CNTNAP2: variants seen among roughly 807,000 people sequenced by gnomAD.
CNTNAP2 encodes contactin associated protein 2, also known as contactin-associated protein-like 2.
A neutral mutation model predicts 155.2 loss-of-function variants in CNTNAP2; 98 were observed. That is an observed-to-expected ratio of 0.63 (90% CI 0.54 to 0.75). The LOEUF (loss-of-function observed/expected upper bound fraction) is 0.75, where lower values mean the gene tolerates loss of function less well. Ranked by LOEUF, CNTNAP2 falls within the 30% of genes least tolerant of loss-of-function variation. CNTNAP2 has a pLI of 0.00. For synonymous variants in CNTNAP2, 651 were observed against 631.2 expected (o/e 1.03, Z -0.47); for missense variants, 1,727 against 1,688.1 (o/e 1.02, Z -0.40).
intron 22 of CNTNAP2, among the ~76,000 whole-genome samples, chr7:148,386,309 C>T (rs1179392124): frequency 6.6e-6 from 1 of 152,056 alleles, no homozygotes. Context: ...GTGGGTGGAT[C>T]ATGAGGTCAG....
rs1470184142 is a variant in CNTNAP2 at position 146,502,604 on chromosome 7, A to T, written c.98-271667A>T. On this transcript the variant is annotated intron_variant, in intron 1 of 23. Transcript: ENST00000361727. ...TTTAAGTGGAGTGAGATGATATTTCATTGTGATTTTTGTTGTTGTTGTTTT... is the reference window on the plus strand; with the variant it reads ...TTTAAGTGGAGTGAGATGATATTTCTTTGTGATTTTTGTTGTTGTTGTTTT... Among the ~76,000 whole-genome samples, 3 of 151,794 alleles carry T rather than the reference A, an allele frequency of 2.0e-5. No homozygotes were observed. In the South Asian group the frequency reaches 6.2e-4, roughly 32 times the overall value.
chr7:146,944,831 T>C (rs1023196383), intron 3 of CNTNAP2, among the ~76,000 whole-genome samples: 2 of 151,364 alleles, frequency 1.3e-5, no homozygotes, highest in African/African-American at 2.4e-5. Flanking sequence ...TGAGCCGAGA[T>C]CGTGCCACTG....
chr7:147,046,906 C>T (rs1433164522), intron 4 of CNTNAP2, among the ~76,000 whole-genome samples: 1 of 150,534 alleles, frequency 6.6e-6, no homozygotes, highest in African/African-American at 2.4e-5. Context: ...GTGGCGGGCG[C>T]CTGTAGTCCC....
intron 15 of CNTNAP2, among the ~76,000 whole-genome samples, chr7:148,026,962 GT>G (rs1802387531): frequency 1.3e-5 from 2 of 152,108 alleles, no homozygotes; most frequent in East Asian, 3.9e-4. Context: ...GTTTTTTGTT[GT>G]TGTTGTTGTT....
intron 3 of CNTNAP2, among the ~76,000 whole-genome samples, chr7:146,921,700 A>T (rs1796502474): frequency 6.6e-6 from 1 of 152,092 alleles, no homozygotes; most frequent in Non-Finnish European, 1.5e-5. Context: ...CCCACCTTTG[A>T]CATGTGGGGA....
intron 9 of CNTNAP2, among the ~76,000 whole-genome samples, chr7:147,364,874 C>A (rs1337386162): frequency 6.6e-6 from 1 of 151,742 alleles, no homozygotes; most frequent in Non-Finnish European, 1.5e-5. Flanking sequence ...AATTCCTAGC[C>A]ATGTTAAAAA....
At chr7:146,185,761 CTT>C (rs1554400924) in intron 1 of CNTNAP2, among the ~76,000 whole-genome samples, 7 of 94,864 alleles carry the variant, frequency 7.4e-5, no homozygotes, top group East Asian at 2.3e-4. Flanking sequence ...TTTTATTATT[CTT>C]TTTTTTTTTT....
chr7:146,607,649 A>T (rs1799070129), intron 1 of CNTNAP2, among the ~76,000 whole-genome samples: 1 of 151,582 alleles, frequency 6.6e-6, no homozygotes, highest in Non-Finnish European at 1.5e-5. Flanking sequence ...CTAATTTTTT[A>T]AAATTTTTAT....
At chr7:146,176,580 A>T (rs1269487958) in intron 1 of CNTNAP2, among the ~76,000 whole-genome samples, 1 of 152,190 alleles carries the variant, frequency 6.6e-6, no homozygotes, top group Non-Finnish European at 1.5e-5. Flanking sequence ...GAAATTCTCC[A>T]TGAAGCTGAA....
chr7:146,297,899 A>T (rs1800540756), intron 1 of CNTNAP2, among the ~76,000 whole-genome samples: 3 of 151,944 alleles, frequency 2.0e-5, no homozygotes, highest in Non-Finnish European at 4.4e-5. Context: ...ATACACAGAC[A>T]CACACGTAAA....
At chr7:147,674,603 A>T (rs1379314872) in intron 13 of CNTNAP2, among the ~76,000 whole-genome samples, 1 of 152,158 alleles carries the variant, frequency 6.6e-6, no homozygotes, top group Non-Finnish European at 1.5e-5. Flanking sequence ...TAGAAAGCAG[A>T]ATATCTGAGA....
chr7:147,132,558 C>T (rs1563088262), intron 8 of CNTNAP2, 49 bp downstream of exon 8: 2 of 1,610,206 alleles, frequency 1.2e-6, no homozygotes, highest in Non-Finnish European at 1.7e-6. Flanking sequence ...TTGCAATTTC[C>T]AGAGTTAATG....
chr7:146,543,553 C>G (rs1332563991), intron 1 of CNTNAP2, among the ~76,000 whole-genome samples: 1 of 151,848 alleles, frequency 6.6e-6, no homozygotes, highest in East Asian at 1.9e-4. Flanking sequence ...AAATGTCAAC[C>G]TAGAATGAAA....
chr7:147,170,887 C>T (rs1802213184), intron 8 of CNTNAP2, among the ~76,000 whole-genome samples: 1 of 152,152 alleles, frequency 6.6e-6, no homozygotes, highest in Non-Finnish European at 1.5e-5. Flanking sequence ...TGCCTCAGTG[C>T]CGTGGGGAAG....
intron 12 of CNTNAP2, among the ~76,000 whole-genome samples, chr7:147,580,863 G>A (rs538366961): frequency 3.3e-5 from 5 of 152,088 alleles, no homozygotes; most frequent in East Asian, 1.9e-4. Flanking sequence ...TGATCCGCCC[G>A]TCTCAGCCTC....
chr7:148,254,691 G>A (rs905685385), intron 20 of CNTNAP2, among the ~76,000 whole-genome samples: 3 of 149,470 alleles, frequency 2.0e-5, no homozygotes, highest in Non-Finnish European at 4.4e-5. Context: ...CAGGAGAATC[G>A]CTTGAACCCA....
At chr7:146,827,363 C>T (rs1803425416) in intron 2 of CNTNAP2, among the ~76,000 whole-genome samples, 1 of 152,050 alleles carries the variant, frequency 6.6e-6, no homozygotes. Flanking sequence ...GATCTTCCCT[C>T]TAATAGAGGG....
At chr7:147,314,154 T>G (rs2116802990) in intron 9 of CNTNAP2, among the ~76,000 whole-genome samples, 1 of 152,262 alleles carries the variant, frequency 6.6e-6, no homozygotes, top group Admixed American at 6.5e-5. Context: ...TTTGTAAGAC[T>G]TTTTGGCTTT....
intron 21 of CNTNAP2, among the ~76,000 whole-genome samples, chr7:148,319,186 A>G (rs1219085489): frequency 6.6e-6 from 1 of 152,208 alleles, no homozygotes; most frequent in Non-Finnish European, 1.5e-5. Flanking sequence ...AATATGCTAG[A>G]CAGTAATGAT....
Sources: gnomAD v4.1 joint callset for allele counts (sites outside exome capture counted in the v4.1 genomes callset) on GRCh38, gnomAD v4.1.1 for gene constraint, MANE v1.5 for transcripts, NCBI Gene and HGNC (gene_info 2026-07-23, HGNC 2026-07-21) for gene names.